DIO2: variants seen among roughly 807,000 people sequenced by gnomAD.
The protein encoded by DIO2 is type II iodothyronine deiodinase.
A neutral mutation model predicts 21.4 loss-of-function variants in DIO2; 19 were observed. That is an observed-to-expected ratio of 0.89 (90% confidence interval 0.62 to 1.30). DIO2 has a LOEUF of 1.30. Ranked by LOEUF, DIO2 falls within the 50% of genes most tolerant of loss-of-function variation. The pLI is 0.00. For synonymous variants in DIO2, 122 were observed against 132.9 expected (o/e 0.92, Z 0.57); for missense variants, 302 against 338.1 (o/e 0.89, Z 0.84).
At position 80,203,297 on chromosome 14, in the gene DIO2, A is replaced by T. The variant is rs1309957008; in HGVS notation, c.223-9T>A. The stretch of plus-strand genomic sequence containing the variant: ...TCCTCACCCAATTTCACCTGACGGT[A>T]AAAAAAAAAAAAAAGAAGAAGAAGA... On this transcript the variant is annotated splice_polypyrimidine_tract_variant and intron_variant, in intron 1 of 1. Transcript: ENST00000438257. 2.6e-5 allele frequency: 2 copies of T among 77,082 alleles called. No individual in the cohort carries two copies. Among genetic ancestry groups the T allele is most frequent in the South Asian group, 3.1e-4 (1 of 3,256 alleles). 4.8% of individuals were successfully genotyped at this position (77,082 alleles called of 1,614,324 possible).
At position 80,202,598 on chromosome 14, in the gene DIO2, A is replaced by G; in HGVS notation, c.*91T>C. 1 of 1,331,898 alleles carries G rather than the reference A, an allele frequency of 7.5e-7. No homozygotes were observed. The allele number at this position is 1,331,898 out of a possible 1,614,324, so 82.5% of individuals were successfully genotyped here. On this transcript the variant is annotated 3_prime_UTR_variant, in exon 2 of 2. Transcript: ENST00000438257. ...ATAAACTCCTGTCTTTCAGTAAGCC[A>G]ATAGGGCTCTGTTGAAATATGGATT...
In DIO2 at chr14:80,202,367, T is replaced by G. The variant is rs1246319732; in HGVS notation, c.*322A>C. On this transcript the variant is annotated 3_prime_UTR_variant, in exon 2 of 2. Coordinates refer to ENST00000438257, the MANE Select transcript of DIO2 (RefSeq NM_013989.5). ...TATTCAGGTAAGTCTTTTCTTCTGG[T>G]CTCAAAGCATGCATCAGATGTATCA... 1 of 583,638 alleles carries G rather than the reference T, an allele frequency of 1.7e-6. No homozygotes were observed. Among genetic ancestry groups the G allele is most frequent in the Non-Finnish European group, 3.3e-6 (1 of 303,322 alleles). The allele number at this position is 583,638 out of a possible 1,614,324, so 36.2% of individuals were successfully genotyped here.
At chr14:80,229,641 A>G (rs1345324725) in intron 2 of DIO2, among the ~76,000 whole-genome samples, 5 of 152,178 alleles carry the variant, frequency 3.3e-5, no homozygotes, top group Non-Finnish European at 7.3e-5. Flanking sequence ...AAGATCAGGC[A>G]TTTCTAGCTC....
intron 1 of DIO2, among the ~76,000 whole-genome samples, chr14:80,205,984 C>T (rs1306876090): frequency 1.3e-5 from 2 of 152,046 alleles, no homozygotes; most frequent in Admixed American, 6.6e-5. Context: ...AATCCTGGGG[C>T]CCTCTCATAG....
Position 80,203,163 on chromosome 14 carries a change from G to T in DIO2, c.348C>A (p.Asp116Glu). The T allele has an allele frequency of 1.2e-6, 2 of 1,612,248 alleles. No individual in the cohort carries two copies. The highest frequency in any genetic ancestry group is 1.7e-6 in the Non-Finnish European group (2 of 1,179,152). ...IAEGATCHLL[D>E]FASPERPLVV... ...CTAGTGGGCGCTCAGGGCTGGCAAA[G>T]TCAAGAAGGTGGCATGTGGCTCCCT... Residue 116 changes from aspartate (D) to glutamate (E), a missense_variant, in exon 2 of 2, where the codon GAC becomes GAA. Coordinates refer to ENST00000438257, the MANE Select transcript of DIO2 (RefSeq NM_013989.5).
upstream of DIO2, among the ~76,000 whole-genome samples, chr14:80,214,971 G>A (rs1888317954): frequency 6.6e-6 from 1 of 152,148 alleles, no homozygotes; most frequent in Admixed American, 6.5e-5. Flanking sequence ...TGTTGAAAGT[G>A]GTTTGCTAGT....
At chr14:80,206,287 C>T in intron 1 of DIO2, 2 of 1,580,050 alleles carry the variant, frequency 1.3e-6, no homozygotes, top group Non-Finnish European at 1.7e-6. Context: ...GCTTCATATA[C>T]TAGTCATAAA....
At position 80,202,311 on chromosome 14, in the gene DIO2, A is replaced by T; in HGVS notation, c.*378T>A. ...AGCCAAGGCAATACCCTTTATCTTAACGTAGACAGTAGCTTCCCTAATGTA... is the reference window on the plus strand; with the variant it reads ...AGCCAAGGCAATACCCTTTATCTTATCGTAGACAGTAGCTTCCCTAATGTA... On this transcript the variant is annotated 3_prime_UTR_variant, in exon 2 of 2. Transcript: ENST00000438257. The T allele has an allele frequency of 1.9e-6, 1 of 528,822 alleles. No homozygotes were observed. Among genetic ancestry groups the T allele is most frequent in the South Asian group, 1.4e-5 (1 of 71,670 alleles). 32.8% of individuals were successfully genotyped at this position (528,822 alleles called of 1,614,324 possible).
chr14:80,212,896 G>A (rs554000280), upstream of DIO2, among the ~76,000 whole-genome samples: 1 of 150,780 alleles, frequency 6.6e-6, no homozygotes, highest in African/African-American at 2.4e-5. Flanking sequence ...GGAGCTAGGC[G>A]ACATTCTTTT....
intron 2 of DIO2, among the ~76,000 whole-genome samples, chr14:80,223,447 T>C (rs1289634811): frequency 2.0e-5 from 3 of 152,296 alleles, no homozygotes; most frequent in South Asian, 2.1e-4. Flanking sequence ...ATATGTTGTG[T>C]TGCTATTAAC....
At chr14:80,209,039 T>C (rs1888061816) in intron 1 of DIO2, among the ~76,000 whole-genome samples, 2 of 152,024 alleles carry the variant, frequency 1.3e-5, no homozygotes. Context: ...ATACAAACCA[T>C]ATGCAAAAAG....
intron 2 of DIO2, among the ~76,000 whole-genome samples, chr14:80,225,915 A>T (rs1888566219): frequency 6.6e-6 from 1 of 152,172 alleles, no homozygotes; most frequent in Non-Finnish European, 1.5e-5. Flanking sequence ...TCCAGGTGGC[A>T]ATCTTAACTT....
intron 3 of DIO2, chr14:80,216,606 A>G (rs1888367364): frequency 6.6e-6 from 1 of 152,210 alleles, no homozygotes; most frequent in South Asian, 2.1e-4. Context: ...AAGACTTTGT[A>G]AAGTTATACA....
Position 80,202,870 on chromosome 14 carries a change from C to T in DIO2, c.641G>A (p.Arg214His). ...LPPQCRVVAD[R>H]MDNNANIAYG... is the part of the protein sequence containing the mutation. Reference sequence around the variant, plus strand: ...AGCTATGTTGGCGTTATTGTCCATGCGGTCAGCCACAACTCGGCACTGGGG... The same window carrying T: ...AGCTATGTTGGCGTTATTGTCCATGTGGTCAGCCACAACTCGGCACTGGGG... The change falls in exon 2 of 2, where the codon CGC becomes CAC. Residue 214 changes from arginine (R) to histidine (H), a missense_variant. Physicochemically the swap from Arg to His is conservative, Grantham distance 29 (BLOSUM62 0). Coordinates refer to ENST00000438257, the MANE Select transcript of DIO2 (RefSeq NM_013989.5). 1 of 1,613,926 alleles carries T rather than the reference C, an allele frequency of 6.2e-7. No homozygotes were observed. Among genetic ancestry groups the T allele is most frequent in the Non-Finnish European group, 8.5e-7 (1 of 1,179,872 alleles).
chr14:80,204,074 G>GTTTGTT (rs1887855034), intron 1 of DIO2, among the ~76,000 whole-genome samples: 1 of 151,996 alleles, frequency 6.6e-6, no homozygotes, highest in South Asian at 2.1e-4. Context: ...GCAATTCTGT[G>GTTTGTT]TTTGTTTTTG....
rs1419120368 is a variant in DIO2, at chr14:80,199,272, T to C, written c.*3417A>G. The C allele has an allele frequency of 6.6e-6, 1 of 152,168 alleles. No individual in the cohort carries two copies. The highest frequency in any genetic ancestry group is 1.5e-5 in the Non-Finnish European group (1 of 68,026). The allele number at this position is 152,168 out of a possible 1,614,324, so 9.4% of individuals were successfully genotyped here. On this transcript the variant is annotated 3_prime_UTR_variant, in exon 2 of 2. Coordinates refer to ENST00000438257, the MANE Select transcript of DIO2 (RefSeq NM_013989.5). The stretch of plus-strand genomic sequence containing the variant: ...TACACTCAGGCAAAATGAAAGACAA[T>C]AGGCTATTCTTCCCACTGTGATGAG...
intron 1 of DIO2, among the ~76,000 whole-genome samples, chr14:80,205,004 G>A (rs1004802727): frequency 5.9e-5 from 9 of 152,134 alleles, no homozygotes; most frequent in African/African-American, 1.9e-4. Flanking sequence ...CCACCACAGA[G>A]AAAATTATTT....
In DIO2 at chr14:80,203,290, T is replaced by A; in HGVS notation, c.223-2A>T. On this transcript the variant is annotated splice_acceptor_variant, in intron 1 of 1. Coordinates refer to ENST00000438257, the MANE Select transcript of DIO2 (RefSeq NM_013989.5). LOFTEE classifies it high-confidence loss of function. ...GGGGGCATCCTCACCCAATTTCACCTGACGGTAAAAAAAAAAAAAAAGAAG... is the reference window on the plus strand; with the variant it reads ...GGGGGCATCCTCACCCAATTTCACCAGACGGTAAAAAAAAAAAAAAAGAAG... The A allele has an allele frequency of 6.9e-7, 1 of 1,451,674 alleles. No individual in the cohort carries two copies. Among genetic ancestry groups the A allele is most frequent in the South Asian group, 1.4e-5 (1 of 73,464 alleles). The allele number at this position is 1,451,674 out of a possible 1,614,324, so 89.9% of individuals were successfully genotyped here. A position where few individuals can be genotyped will look rare whatever the true frequency, so the allele number is the denominator to read the frequency against.
intron 2 of DIO2, among the ~76,000 whole-genome samples, chr14:80,227,738 G>A (rs1888604688): frequency 1.3e-5 from 2 of 152,148 alleles, no homozygotes; most frequent in South Asian, 4.1e-4. Context: ...CAGCAGCCTG[G>A]ACCTTTTGCA....
Sources: gnomAD v4.1 joint callset for allele counts (sites outside exome capture counted in the v4.1 genomes callset) on GRCh38, gnomAD v4.1.1 for gene constraint, MANE v1.5 for transcripts, NCBI Gene and HGNC (gene_info 2026-07-23, HGNC 2026-07-21) for gene names.